The following KCNQ5 variants were observed in gnomAD, a reference collection of about 807,000 sequenced individuals.
The protein encoded by KCNQ5 is potassium voltage-gated channel subfamily Q member 5.
A neutral mutation model predicts 98.2 loss-of-function variants in KCNQ5; 30 were observed. That is an observed-to-expected ratio of 0.31 (90% CI 0.23 to 0.41). The LOEUF (loss-of-function observed/expected upper bound fraction) is 0.41. Ranked by LOEUF, KCNQ5 falls within the 10% of genes least tolerant of loss-of-function variation. The pLI, the probability that KCNQ5 is intolerant of heterozygous loss-of-function variation, is 1.00. For synonymous variants in KCNQ5, 458 were observed against 449.4 expected, an observed-to-expected ratio of 1.02 and a Z score of -0.24; for missense variants, 835 against 1,182.5, an observed-to-expected ratio of 0.71 and a Z score of 4.31.
At chr6:73,163,143 A>G (rs902403277) in intron 10 of KCNQ5, among the ~76,000 whole-genome samples, 1 of 152,176 alleles carries the variant, frequency 6.6e-6, no homozygotes, top group East Asian at 1.9e-4. Context: ...TAATTCCACA[A>G]TTTGGGAGGC....
At position 73,195,501 on chromosome 6, in the gene KCNQ5, A is replaced by T. The variant is rs1582521987; in HGVS notation, c.*87A>T. On this transcript the variant is annotated 3_prime_UTR_variant, in exon 14 of 14. Coordinates refer to ENST00000370398, the MANE Select transcript of KCNQ5 (RefSeq NM_019842.4). Reference sequence around the variant, plus strand: ...TTTCGAAAGCCCTTCTAAAAAGTTGAAATTGCAAGAATCGGGAAGAACATG... The same window carrying T: ...TTTCGAAAGCCCTTCTAAAAAGTTGTAATTGCAAGAATCGGGAAGAACATG... 2.0e-6 allele frequency: 3 copies of T among 1,477,124 alleles called. No individual in the cohort carries two copies. Among genetic ancestry groups the T allele is most frequent in the Non-Finnish European group, 2.7e-6 (3 of 1,102,982 alleles). The allele number at this position is 1,477,124 out of a possible 1,614,324, so 91.5% of individuals were successfully genotyped here.
At chr6:72,775,265 C>T (rs970256231) in intron 1 of KCNQ5, among the ~76,000 whole-genome samples, 1 of 152,134 alleles carries the variant, frequency 6.6e-6, no homozygotes, top group Non-Finnish European at 1.5e-5. Context: ...TCCACCTCCC[C>T]CAAAAAATAT....
At chr6:72,949,287 G>A (rs185363471) in intron 1 of KCNQ5, among the ~76,000 whole-genome samples, 1 of 152,236 alleles carries the variant, frequency 6.6e-6, no homozygotes, top group African/African-American at 2.4e-5. Flanking sequence ...TGGCTCTCAT[G>A]GTCTAGGCCA....
At chr6:72,700,936 A>T (rs146670990) in intron 1 of KCNQ5, among the ~76,000 whole-genome samples, 2 of 152,214 alleles carry the variant, frequency 1.3e-5, no homozygotes. Flanking sequence ...GAATCATCAG[A>T]TACCCTGTAA....
intron 1 of KCNQ5, among the ~76,000 whole-genome samples, chr6:72,737,812 G>A (rs1342347748): frequency 2.6e-5 from 4 of 152,052 alleles, no homozygotes; most frequent in Admixed American, 2.0e-4. Context: ...AAGGTGCAAG[G>A]TGGAGAGGTA....
At chr6:73,128,258 A>G (rs1036789751) in intron 9 of KCNQ5, among the ~76,000 whole-genome samples, 9 of 152,180 alleles carry the variant, frequency 5.9e-5, no homozygotes, top group Non-Finnish European at 1.3e-4. Context: ...CTTTAGCATC[A>G]TTTAATCACT....
chr6:73,195,697 A>T lies in KCNQ5; in HGVS notation c.*283A>T. ...TGCTATGGGGTGTATGAATATGTCAAGTTTAGGTCATTTAGAAGATTTGAC... is the reference window on the plus strand; with the variant it reads ...TGCTATGGGGTGTATGAATATGTCATGTTTAGGTCATTTAGAAGATTTGAC... On this transcript the variant is annotated 3_prime_UTR_variant, in exon 14 of 14. Transcript: ENST00000370398. The T allele has an allele frequency of 3.0e-6, 1 of 336,460 alleles. No individual in the cohort carries two copies. The highest frequency in any genetic ancestry group is 4.9e-5 in the South Asian group (1 of 20,522). The allele number at this position is 336,460 out of a possible 1,614,324, so 20.8% of individuals were successfully genotyped here.
chr6:72,638,808 G>A (rs116209563), intron 1 of KCNQ5, among the ~76,000 whole-genome samples: 1,559 of 152,270 alleles, frequency 0.01, 23 homozygotes, highest in African/African-American at 0.036. Context: ...TCTACAGTAA[G>A]CATCTGGTAG....
At chr6:72,824,936 C>T (rs1277912107) in intron 1 of KCNQ5, among the ~76,000 whole-genome samples, 1 of 151,928 alleles carries the variant, frequency 6.6e-6, no homozygotes, top group African/African-American at 2.4e-5. Context: ...TTCAAAGCAC[C>T]TTTATAGCCC....
chr6:73,026,418 T>C (rs1770893000), intron 2 of KCNQ5, among the ~76,000 whole-genome samples: 1 of 152,142 alleles, frequency 6.6e-6, no homozygotes, highest in Non-Finnish European at 1.5e-5. Flanking sequence ...TCTCGAAACT[T>C]CTTTCATCAG....
chr6:72,753,931 T>C (rs897857002), intron 1 of KCNQ5, among the ~76,000 whole-genome samples: 1 of 151,404 alleles, frequency 6.6e-6, no homozygotes, highest in Non-Finnish European at 1.5e-5. Context: ...TTGTGTAGAT[T>C]CTTTGAGATT....
At chr6:72,872,919 A>G (rs1778269254) in intron 1 of KCNQ5, among the ~76,000 whole-genome samples, 1 of 152,096 alleles carries the variant, frequency 6.6e-6, no homozygotes, top group Non-Finnish European at 1.5e-5. Context: ...TGGAGAACCT[A>G]AACAATCCCT....
intron 1 of KCNQ5, among the ~76,000 whole-genome samples, chr6:72,824,276 A>G (rs997582070): frequency 1.3e-5 from 2 of 152,168 alleles, no homozygotes; most frequent in African/African-American, 4.8e-5. Context: ...CTTGATCTGT[A>G]GTAAATTCCA....
chr6:72,895,495 G>T (rs1430584432), intron 1 of KCNQ5, among the ~76,000 whole-genome samples: 3 of 151,604 alleles, frequency 2.0e-5, no homozygotes, highest in Admixed American at 2.0e-4. Flanking sequence ...AAGAAAGGGT[G>T]CAGTTATATG....
chr6:73,134,076 T>C, intron 10 of KCNQ5: 2 of 452,038 alleles, frequency 4.4e-6, no homozygotes, highest in Non-Finnish European at 9.1e-6. Context: ...ACAATGAAGG[T>C]GCTCTTTCCC....
In KCNQ5 at chr6:73,190,543, A is replaced by ATTAATATGT. The variant is rs757372221; in HGVS notation, c.1578-30_1578-29insTTAATATGT. On this transcript the variant is annotated intron_variant, in intron 11 of 13. Transcript: ENST00000370398. Reference sequence around the variant, plus strand: ...GGTAACTTATATTAACAGAGTTATAAAGATTAATATGTAATATGTTCTCAT... The same window carrying ATTAATATGT: ...GGTAACTTATATTAACAGAGTTATAATTAATATGTAGATTAATATGTAATATGTTCTCAT... The ATTAATATGT allele has an allele frequency of 2.5e-6, 3 of 1,209,708 alleles. No individual in the cohort carries two copies. In the African/African-American group the frequency reaches 4.7e-5, roughly 19 times the overall value. The allele number at this position is 1,209,708 out of a possible 1,614,324, so 74.9% of individuals were successfully genotyped here.
chr6:72,924,733 C>T (rs1465024893), intron 1 of KCNQ5, among the ~76,000 whole-genome samples: 1 of 152,148 alleles, frequency 6.6e-6, no homozygotes, highest in East Asian at 1.9e-4. Context: ...TGAGCAACTG[C>T]TGTCTTGGTT....
chr6:73,141,805 T>A (rs1776723274), intron 10 of KCNQ5, among the ~76,000 whole-genome samples: 1 of 152,228 alleles, frequency 6.6e-6, no homozygotes. Flanking sequence ...CATTGATACT[T>A]TAAAATGAAT....
intron 12 of KCNQ5, 48 bp downstream of exon 12, chr6:73,190,752 T>C: frequency 3.0e-6 from 4 of 1,351,496 alleles, no homozygotes; most frequent in Non-Finnish European, 4.0e-6. Context: ...GCATAGAACC[T>C]ATCTAGGAAG....
Sources: allele counts gnomAD v4.1 joint callset (sites outside exome capture counted in the v4.1 genomes callset), GRCh38; gene constraint gnomAD v4.1.1; transcripts MANE v1.5; gene names NCBI Gene and HGNC (gene_info 2026-07-23, HGNC 2026-07-21).